CCDC171: variants seen among roughly 807,000 people sequenced by gnomAD.
CCDC171 encodes coiled-coil domain-containing protein 171.
A neutral mutation model predicts 168.2 loss-of-function variants in CCDC171; 177 were observed. The observed-to-expected ratio is 1.05, with a 90% CI of 0.93 to 1.19. The LOEUF is 1.19. Among genes scored for constraint, CCDC171 ranks in the 50% most tolerant of loss-of-function variants. CCDC171 has a pLI of 0.00. For synonymous variants in CCDC171, 687 were observed against 540.8 expected, an observed-to-expected ratio of 1.27 and a Z score of -3.75; for missense variants, 1,991 against 1,539.0, an observed-to-expected ratio of 1.29 and a Z score of -4.91.
chr9:15,674,071 G>T (rs1209025927), intron 9 of CCDC171, among the ~76,000 whole-genome samples: 1 of 152,124 alleles, frequency 6.6e-6, no homozygotes, highest in African/African-American at 2.4e-5. Flanking sequence ...TTCTGGTTTA[G>T]TCTTGGGAGG....
chr9:16,058,539 A>G (rs1833880128), intron 1 of CCDC171, among the ~76,000 whole-genome samples: 1 of 152,324 alleles, frequency 6.6e-6, no homozygotes, highest in African/African-American at 2.4e-5. Context: ...GAGATAATGA[A>G]TTTCAGTGGT....
intron 6 of CCDC171, among the ~76,000 whole-genome samples, chr9:16,026,529 A>C (rs781373170): frequency 3.9e-5 from 6 of 152,050 alleles, no homozygotes; most frequent in Non-Finnish European, 7.4e-5. Context: ...GTAATCATTT[A>C]ACCTATTCTT....
intron 12 of CCDC171, 24 bp downstream of exon 12, chr9:15,721,899 C>T (rs1008017522): frequency 9.2e-6 from 12 of 1,309,378 alleles, no homozygotes; most frequent in Middle Eastern, 1.9e-4. Flanking sequence ...TGTTTGGCTC[C>T]ACACATATAG....
intron 24 of CCDC171, among the ~76,000 whole-genome samples, chr9:15,914,459 G>A (rs1266515860): frequency 7.2e-5 from 11 of 152,110 alleles, no homozygotes; most frequent in Non-Finnish European, 1.3e-4. Context: ...GGGGAAAACC[G>A]CCTTCTCAAG....
At chr9:15,886,863 T>C (rs1000667577) in intron 24 of CCDC171, 13 of 152,206 alleles carry the variant, frequency 8.5e-5, no homozygotes, top group African/African-American at 3.1e-4. Flanking sequence ...GAGGACATTA[T>C]GCTAAGCGAA....
At chr9:15,885,648 C>T (rs1819300167) in intron 24 of CCDC171, 1 of 152,132 alleles carries the variant, frequency 6.6e-6, no homozygotes, top group Admixed American at 6.5e-5. Context: ...AGTTAAGGCT[C>T]TCTTAATGTC....
intron 21 of CCDC171, among the ~76,000 whole-genome samples, chr9:15,810,370 T>A (rs2059288236): frequency 6.6e-6 from 1 of 152,302 alleles, no homozygotes; most frequent in Middle Eastern, 3.4e-3. Flanking sequence ...CGGGCAGAGC[T>A]GCCTGCCAGT....
chr9:15,724,677 TA>T lies in CCDC171; in HGVS notation c.1492-96del, dbSNP rs1210560496. ...GCCTGCCTTTGTGATTCTTTCATTT[TA>T]AAGCTTTGAAAATGTTCAATATGTG... On this transcript the variant is annotated intron_variant, in intron 13 of 25. Transcript: ENST00000380701. 1.7e-5 allele frequency: 12 copies of T among 709,614 alleles called. No individual in the cohort carries two copies. The East Asian group carries it at 2.3e-4, about 13-fold the overall frequency. The allele number at this position is 709,614 out of a possible 1,614,324, so 44.0% of individuals were successfully genotyped here.
chr9:15,827,814 A>C (rs2060077036), intron 21 of CCDC171, among the ~76,000 whole-genome samples: 1 of 152,170 alleles, frequency 6.6e-6, no homozygotes, highest in African/African-American at 2.4e-5. Context: ...GTTGTAGCTG[A>C]ATAAGCTTTT....
chr9:15,655,624 C>T (rs1003722750), intron 7 of CCDC171, among the ~76,000 whole-genome samples: 1 of 152,138 alleles, frequency 6.6e-6, no homozygotes, highest in African/African-American at 2.4e-5. Flanking sequence ...GAAGACAGGA[C>T]GTAGACTGGG....
chr9:15,984,523 C>T (rs1314920451), intron 3 of CCDC171, among the ~76,000 whole-genome samples: 1 of 151,998 alleles, frequency 6.6e-6, no homozygotes, highest in East Asian at 1.9e-4. Flanking sequence ...GATCCTACTT[C>T]TAGAAATCTT....
At chr9:15,608,750 G>A (rs574188255) in intron 6 of CCDC171, among the ~76,000 whole-genome samples, 88 of 148,972 alleles carry the variant, frequency 5.9e-4, no homozygotes, top group African/African-American at 2.1e-3. Context: ...CCAGGAGTTC[G>A]AGACCAGCCT....
chr9:15,990,575 A>G (rs1329624058), intron 3 of CCDC171, among the ~76,000 whole-genome samples: 3 of 152,304 alleles, frequency 2.0e-5, no homozygotes, highest in East Asian at 1.9e-4. Flanking sequence ...ACACATAACA[A>G]TATTAACCAT....
intron 21 of CCDC171, among the ~76,000 whole-genome samples, chr9:15,826,566 G>A (rs1041857435): frequency 6.6e-6 from 1 of 152,104 alleles, no homozygotes; most frequent in Non-Finnish European, 1.5e-5. Flanking sequence ...TTCTCTGTTG[G>A]AAACCAGCCA....
chr9:15,676,553 T>C (rs1181285967), intron 9 of CCDC171, among the ~76,000 whole-genome samples: 5 of 152,096 alleles, frequency 3.3e-5, no homozygotes, highest in African/African-American at 9.7e-5. Context: ...AGTTGTTTTT[T>C]AGGTTCCCTG....
intron 21 of CCDC171, among the ~76,000 whole-genome samples, chr9:15,796,711 A>G (rs1204755703): frequency 6.6e-6 from 1 of 151,222 alleles, no homozygotes; most frequent in Non-Finnish European, 1.5e-5. Context: ...GCCCTCAGGC[A>G]AGAGGCACAT....
the CCDC171 span, among the ~76,000 whole-genome samples, chr9:16,089,980 A>G: frequency 6.6e-6 from 1 of 152,150 alleles, no homozygotes; most frequent in Non-Finnish European, 1.5e-5. Flanking sequence ...TGGGTGTGTA[A>G]ATTAGTTCAA....
chr9:15,633,322 A>G (rs1002981428), intron 7 of CCDC171, among the ~76,000 whole-genome samples: 4 of 152,350 alleles, frequency 2.6e-5, no homozygotes, highest in African/African-American at 9.6e-5. Context: ...AAACAAATTT[A>G]CAAGAAAAAA....
chr9:15,630,956 A>G (rs1587576659), intron 7 of CCDC171, among the ~76,000 whole-genome samples: 1 of 152,340 alleles, frequency 6.6e-6, no homozygotes, highest in South Asian at 2.1e-4. Flanking sequence ...AGAAATAAAG[A>G]TGTTCTTTGA....
Sources: gnomAD v4.1 joint callset for allele counts (sites outside exome capture counted in the v4.1 genomes callset) on GRCh38, gnomAD v4.1.1 for gene constraint, MANE v1.5 for transcripts, NCBI Gene and HGNC (gene_info 2026-07-23, HGNC 2026-07-21) for gene names.